The following ULK4 variants were observed in gnomAD, a reference collection of about 807,000 sequenced individuals.
ULK4 encodes unc-51 like kinase 4, also known as inactive serine/threonine-protein kinase ULK4.
ULK4 carries 133 observed loss-of-function variants against 160.6 expected under a neutral mutation model. That is an observed-to-expected ratio of 0.83 (90% CI 0.72 to 0.96). The LOEUF is 0.96. Ranked by LOEUF, ULK4 falls within the 40% of genes least tolerant of loss-of-function variation. The pLI is 0.00. For synonymous variants in ULK4, 534 were observed against 539.8 expected, an observed-to-expected ratio of 0.99 and a Z score of 0.15; for missense variants, 1,580 against 1,499.5, an observed-to-expected ratio of 1.05 and a Z score of -0.89.
In ULK4 at chr3:41,264,777, C is replaced by G. The variant is rs144204626; in HGVS notation, c.3679-15203G>C. On this transcript the variant is annotated intron_variant, in intron 35 of 36. Transcript: ENST00000301831. Reference sequence around the variant, plus strand: ...AGATGAGCATTCTATTTTTTGGTAACTTTTAATACATGGTGGAATTTTTAC... The same window carrying G: ...AGATGAGCATTCTATTTTTTGGTAAGTTTTAATACATGGTGGAATTTTTAC... 8.6e-4 allele frequency among the ~76,000 whole-genome samples: 131 copies of G among 152,288 alleles called. 1 individual carries two copies. The highest frequency in any genetic ancestry group is 3.1e-3 in the African/African-American group (127 of 41,566).
At chr3:41,296,551 G>A (rs144819056) in intron 35 of ULK4, among the ~76,000 whole-genome samples, 72 of 152,286 alleles carry the variant, frequency 4.7e-4, no homozygotes, top group African/African-American at 1.7e-3. Flanking sequence ...AACTCTGTAG[G>A]GAGGCTGCCA....
chr3:41,811,102 G>A (rs1238683481), intron 19 of ULK4, among the ~76,000 whole-genome samples: 1 of 151,986 alleles, frequency 6.6e-6, no homozygotes, highest in Non-Finnish European at 1.5e-5. Flanking sequence ...GCCCAGGCTG[G>A]TCTCGAACTC....
chr3:41,736,834 T>C lies in ULK4; in HGVS notation c.2321+17527A>G, dbSNP rs536386449. ...GGTTTTTATGGTTTTAGGTCTAACG[T>C]TTAAGTCTTTAATCCATCTTGAATT... is the stretch of plus-strand genomic sequence containing the variant. On this transcript the variant is annotated intron_variant, in intron 22 of 36. Transcript: ENST00000301831. Among the ~76,000 whole-genome samples the C allele has an allele frequency of 4.9e-4, 75 of 151,790 alleles. 2 individuals carry two copies. In the South Asian group the frequency reaches 0.015, roughly 30 times the overall value.
At chr3:41,655,312 G>A (rs2034894009) in intron 30 of ULK4, among the ~76,000 whole-genome samples, 1 of 147,050 alleles carries the variant, frequency 6.8e-6, no homozygotes, top group South Asian at 2.2e-4. Flanking sequence ...TCACTCATAG[G>A]TGGGAATTGA....
At chr3:41,638,660 A>G (rs549698355) in intron 30 of ULK4, among the ~76,000 whole-genome samples, 1 of 152,360 alleles carries the variant, frequency 6.6e-6, no homozygotes, top group Non-Finnish European at 1.5e-5. Context: ...GTGCTCTTTA[A>G]TTACATGGCT....
rs77743836 is a variant in ULK4 at position 41,457,179 on chromosome 3, T to C, written c.3394-1584A>G. 4.8e-3 allele frequency among the ~76,000 whole-genome samples: 725 copies of C among 152,284 alleles called. 2 individuals carry two copies. The highest frequency in any genetic ancestry group is 0.015 in the South Asian group (72 of 4,818). On this transcript the variant is annotated intron_variant, in intron 33 of 36. Transcript: ENST00000301831. ...CACATTATCCCTTAGAGCAGATTGA[T>C]TTCTTCCTGGGAGAGATAAGGCAGT...
At chr3:41,724,600 G>A (rs2037584515) in intron 22 of ULK4, among the ~76,000 whole-genome samples, 1 of 152,068 alleles carries the variant, frequency 6.6e-6, no homozygotes, top group Non-Finnish European at 1.5e-5. Flanking sequence ...GCAGGCGCCT[G>A]TAGTCCCAGC....
intron 27 of ULK4, among the ~76,000 whole-genome samples, chr3:41,693,284 C>A (rs1034077846): frequency 2.0e-5 from 3 of 152,172 alleles, no homozygotes; most frequent in Non-Finnish European, 2.9e-5. Context: ...AACAGAAGTA[C>A]AAGTGCATTT....
chr3:41,863,730 G>C (rs563083864), intron 17 of ULK4, among the ~76,000 whole-genome samples: 5 of 152,012 alleles, frequency 3.3e-5, no homozygotes, highest in Admixed American at 2.0e-4. Context: ...GGGTGTTCTA[G>C]AAATACCATC....
At chr3:41,561,500 T>G (rs4016361) in intron 32 of ULK4, among the ~76,000 whole-genome samples, 50,465 of 151,922 alleles carry the variant, frequency 0.33, 8,662 homozygotes, top group African/African-American at 0.4. Flanking sequence ...GTCCTGGACT[T>G]TTGGTTGGCA....
At chr3:41,483,914 AG>A (rs1244654315) in intron 32 of ULK4, among the ~76,000 whole-genome samples, 3 of 152,198 alleles carry the variant, frequency 2.0e-5, no homozygotes, top group Non-Finnish European at 4.4e-5. Flanking sequence ...CAAAGAATGC[AG>A]GGGGCCTCTG....
At chr3:41,846,797 T>C (rs2042080071) in intron 17 of ULK4, among the ~76,000 whole-genome samples, 1 of 129,588 alleles carries the variant, frequency 7.7e-6, no homozygotes, top group African/African-American at 3.6e-5. Flanking sequence ...AGAGCGAGAC[T>C]CTCTCTCTCA....
At chr3:41,747,605 A>T (rs2038462153) in intron 22 of ULK4, among the ~76,000 whole-genome samples, 2 of 152,208 alleles carry the variant, frequency 1.3e-5, no homozygotes, top group Non-Finnish European at 2.9e-5. Flanking sequence ...CTATATTTGA[A>T]GATAGGTGTG....
At chr3:41,523,070 G>A (rs1184269603) in intron 32 of ULK4, among the ~76,000 whole-genome samples, 5 of 151,916 alleles carry the variant, frequency 3.3e-5, no homozygotes, top group South Asian at 2.1e-4. Flanking sequence ...CACCACGCCC[G>A]ACTAATTTTT....
At chr3:41,815,586 G>A (rs1274685670) in intron 19 of ULK4, among the ~76,000 whole-genome samples, 1 of 152,118 alleles carries the variant, frequency 6.6e-6, no homozygotes, top group Non-Finnish European at 1.5e-5. Context: ...CTTCTTGTGG[G>A]ATTTCCCTCC....
chr3:41,411,128 G>T (rs1049124576), intron 34 of ULK4, among the ~76,000 whole-genome samples: 4 of 152,160 alleles, frequency 2.6e-5, no homozygotes, highest in Non-Finnish European at 4.4e-5. Context: ...TGAACTAGGG[G>T]TAGAAGGGAA....
chr3:41,582,883 C>T (rs2030484886), intron 31 of ULK4, among the ~76,000 whole-genome samples: 1 of 152,232 alleles, frequency 6.6e-6, no homozygotes, highest in Non-Finnish European at 1.5e-5. Context: ...TAACTAGATG[C>T]ATTCTTAAGA....
At chr3:41,519,410 C>A (rs1009715745) in intron 32 of ULK4, among the ~76,000 whole-genome samples, 2 of 152,178 alleles carry the variant, frequency 1.3e-5, no homozygotes, top group African/African-American at 4.8e-5. Context: ...ACCGTGGATG[C>A]CGAATGATAA....
chr3:41,859,996 A>T (rs1291317684), intron 17 of ULK4, among the ~76,000 whole-genome samples: 2 of 151,718 alleles, frequency 1.3e-5, no homozygotes, highest in Non-Finnish European at 2.9e-5. Context: ...TTCTTCACTG[A>T]CCCACTATTC....
Sources: allele counts gnomAD v4.1 joint callset (sites outside exome capture counted in the v4.1 genomes callset), GRCh38; gene constraint gnomAD v4.1.1; transcripts MANE v1.5; gene names NCBI Gene and HGNC (gene_info 2026-07-23, HGNC 2026-07-21).